CACNA1C: variants seen among roughly 807,000 people sequenced by gnomAD.
CACNA1C encodes voltage-dependent L-type calcium channel subunit alpha-1C.
In CACNA1C, 30 loss-of-function variants were observed where a neutral mutation model predicts 229.0. The observed-to-expected ratio is 0.13, with a 90% CI of 0.10 to 0.18. The LOEUF (loss-of-function observed/expected upper bound fraction) is 0.18, where lower values mean the gene tolerates loss of function less well. Among genes scored for constraint, CACNA1C ranks in the 10% least tolerant of loss-of-function variants. CACNA1C has a pLI of 1.00. For missense variants in CACNA1C, 1,658 were observed against 2,845.0 expected, an observed-to-expected ratio of 0.58 and a Z score of 9.49; for synonymous variants, 1,114 against 1,132.5, an observed-to-expected ratio of 0.98 and a Z score of 0.33.
chr12:2,613,863 C>T (rs2079089249), intron 29 of CACNA1C: 1 of 152,620 alleles, frequency 6.6e-6, no homozygotes, highest in Admixed American at 6.5e-5. Flanking sequence ...TCGGATGACT[C>T]CTCTCAGTGG....
chr12:2,488,081 C>T lies in CACNA1C; in HGVS notation c.916+1819C>T, dbSNP rs978984181. On this transcript the variant is annotated intron_variant, in intron 6 of 46. Coordinates refer to ENST00000399655, the MANE Select transcript of CACNA1C (RefSeq NM_000719.7). This position sits in a 1 kb window ranked among gnomAD's most constrained non-coding sequence, Gnocchi z 4.0. Reference sequence around the variant, plus strand: ...CCCTCACTAACAAAATGGGGGAGAGCGAAATGGTAGAATTCAGCCATCGAG... The same window carrying T: ...CCCTCACTAACAAAATGGGGGAGAGTGAAATGGTAGAATTCAGCCATCGAG... Among the ~76,000 whole-genome samples, 4 of 152,222 alleles carry T rather than the reference C, an allele frequency of 2.6e-5. No homozygotes were observed. The highest frequency in any genetic ancestry group is 2.1e-4 in the South Asian group (1 of 4,820).
chr12:2,080,863 G>A (rs556721483), intron 1 of CACNA1C, among the ~76,000 whole-genome samples: 2 of 152,208 alleles, frequency 1.3e-5, no homozygotes, highest in East Asian at 3.9e-4. Flanking sequence ...ATATATGAAG[G>A]AGCCATTGAA....
chr12:2,319,822 G>T lies in CACNA1C; in HGVS notation c.478-129154G>T, dbSNP rs750240636. ...GCTGGACCCTGAAAGAGCCTGCCAG[G>T]TATCCCCTTCTAGCAGGAGGGGCCC... On this transcript the variant is annotated intron_variant, in intron 3 of 46. Coordinates refer to ENST00000399655, the MANE Select transcript of CACNA1C (RefSeq NM_000719.7). This position sits in a 1 kb window ranked among gnomAD's most constrained non-coding sequence, Gnocchi z 4.0. Among the ~76,000 whole-genome samples the T allele has an allele frequency of 9.9e-5, 15 of 152,066 alleles. No individual in the cohort carries two copies. Among genetic ancestry groups the T allele is most frequent in the Non-Finnish European group, 2.1e-4 (14 of 68,010 alleles).
intron 3 of CACNA1C, among the ~76,000 whole-genome samples, chr12:2,428,795 T>G (rs1036811248): frequency 1.3e-5 from 2 of 152,190 alleles, no homozygotes; most frequent in African/African-American, 2.4e-5. Flanking sequence ...GCAGTGACTT[T>G]GCAGCGGGAA....
At chr12:2,520,841 C>T (rs2099808224) in intron 9 of CACNA1C, among the ~76,000 whole-genome samples, 1 of 151,864 alleles carries the variant, frequency 6.6e-6, no homozygotes, top group African/African-American at 2.4e-5. Context: ...AGGAGGGAAG[C>T]CATGACAGTC....
intron 3 of CACNA1C, among the ~76,000 whole-genome samples, chr12:2,333,677 A>G (rs957709681): frequency 6.6e-6 from 1 of 152,172 alleles, no homozygotes; most frequent in Non-Finnish European, 1.5e-5. Context: ...AGAGAGATGG[A>G]GGTTGGCATT....
chr12:2,655,366 C>G (rs997194598), intron 34 of CACNA1C, 128 bp downstream of exon 34: 42 of 600,810 alleles, frequency 7.0e-5, no homozygotes, highest in Non-Finnish European at 2.3e-5. Context: ...GTTGCTTGCT[C>G]TCTGCCTGAC....
chr12:2,600,644 C>T (rs1294041147), intron 21 of CACNA1C, among the ~76,000 whole-genome samples: 1 of 152,226 alleles, frequency 6.6e-6, no homozygotes, highest in East Asian at 1.9e-4. Context: ...TTGTTGAGCA[C>T]CTGCAGTGCG....
chr12:2,158,274 C>A (rs188684086), intron 3 of CACNA1C, among the ~76,000 whole-genome samples: 3 of 152,232 alleles, frequency 2.0e-5, no homozygotes, highest in African/African-American at 7.2e-5. Context: ...AAAGTAGGGA[C>A]AATTGGATCT....
chr12:2,321,997 CAGAACTAGACGCAGCTGCTG>C (rs2096022082), intron 3 of CACNA1C, among the ~76,000 whole-genome samples: 2 of 152,194 alleles, frequency 1.3e-5, no homozygotes, highest in East Asian at 3.8e-4. Flanking sequence ...CCTGATCTAT[CAGAACTAGACGCAGCTGCTG>C]AGGCTCATTA....
At chr12:2,256,301 A>G (rs775081597) in intron 3 of CACNA1C, among the ~76,000 whole-genome samples, 14 of 152,222 alleles carry the variant, frequency 9.2e-5, no homozygotes, top group Non-Finnish European at 1.5e-4. Flanking sequence ...GCATGGGGTA[A>G]TCAGTCACCT....
intron 26 of CACNA1C, 62 bp downstream of exon 26, chr12:2,607,192 G>A (rs2075755452): frequency 6.5e-7 from 1 of 1,527,984 alleles, no homozygotes; most frequent in Non-Finnish European, 8.9e-7. Context: ...TGACTTTCCA[G>A]CCCATCCCCA....
chr12:2,335,486 A>T (rs2096664390), intron 3 of CACNA1C, among the ~76,000 whole-genome samples: 1 of 152,000 alleles, frequency 6.6e-6, no homozygotes, highest in African/African-American at 2.4e-5. Flanking sequence ...GCAGGTATGG[A>T]AGACAGAATG....
At chr12:1,991,136 A>G in intron 1 of CACNA1C, 1 of 456,252 alleles carries the variant, frequency 2.2e-6, no homozygotes, top group Non-Finnish European at 4.4e-6. Flanking sequence ...ATTTGCATCC[A>G]TGTTTAATAG....
intron 3 of CACNA1C, among the ~76,000 whole-genome samples, chr12:2,211,780 A>G (rs965799233): frequency 7.3e-6 from 1 of 137,686 alleles, no homozygotes; most frequent in African/African-American, 2.8e-5. Context: ...GTGCAATGGC[A>G]TGGTCTCGGC....
chr12:2,606,986 G>A lies in CACNA1C; in HGVS notation c.3212G>A (p.Gly1071Asp). The A allele has an allele frequency of 6.2e-7, 1 of 1,613,778 alleles. No individual in the cohort carries two copies. The highest frequency in any genetic ancestry group is 8.5e-7 in the Non-Finnish European group (1 of 1,179,724). The change falls in exon 26 of 47, where the codon GGC (glycine) becomes GAC (aspartate). Residue 1071 changes from glycine to aspartate, a missense_variant and splice_region_variant. Around this residue, in one of 20 missense-constraint regions of CACNA1C, gnomAD observed 77 missense variants for 130.9 expected, o/e 0.59. Coordinates refer to ENST00000399655, the MANE Select transcript of CACNA1C (RefSeq NM_000719.7). ...SSKQTEAECKGNYITYKDGEV... is the reference protein window; with the variant it reads ...SSKQTEAECKDNYITYKDGEV... The stretch of plus-strand genomic sequence containing the variant: ...AACTCCTTCTCCTCCTCTCTCAGGG[G>A]CAACTACATCACGTACAAAGACGGG...
chr12:2,522,337 C>A (rs2099811586), intron 9 of CACNA1C, among the ~76,000 whole-genome samples: 1 of 152,218 alleles, frequency 6.6e-6, no homozygotes, highest in Non-Finnish European at 1.5e-5. Flanking sequence ...CACAGACTTC[C>A]CCCAAAAACA....
chr12:2,380,545 TACTG>T (rs1235204150), intron 3 of CACNA1C, among the ~76,000 whole-genome samples: 3 of 152,176 alleles, frequency 2.0e-5, no homozygotes, highest in African/African-American at 7.2e-5. Context: ...GGGAGCCCGG[TACTG>T]ACCTCTTCTG....
chr12:2,645,028 A>G (rs530554642), intron 30 of CACNA1C, among the ~76,000 whole-genome samples: 1 of 152,362 alleles, frequency 6.6e-6, no homozygotes, highest in Admixed American at 6.5e-5. Context: ...ATTTATATCA[A>G]TTACGTGAAC....
Sources: allele counts gnomAD v4.1 joint callset (sites outside exome capture counted in the v4.1 genomes callset), GRCh38; gene constraint gnomAD v4.1.1; regional missense constraint gnomAD v4.1.1; non-coding constraint Gnocchi (gnomAD v3.1); transcripts MANE v1.5; gene names NCBI Gene and HGNC (gene_info 2026-07-23, HGNC 2026-07-21).